The following ALDH1L2 variants were observed in gnomAD, a reference collection of about 807,000 sequenced individuals.
ALDH1L2 encodes the protein aldehyde dehydrogenase 1 family member L2.
ALDH1L2 carries 91 observed loss-of-function variants against 111.0 expected under a neutral mutation model. The observed-to-expected ratio is 0.82, with a 90% CI of 0.69 to 0.98. ALDH1L2 has a LOEUF of 0.98. Among genes scored for constraint, ALDH1L2 ranks in the 50% least tolerant of loss-of-function variants. The pLI is 0.00. For synonymous variants in ALDH1L2, 374 were observed against 392.6 expected, an observed-to-expected ratio of 0.95 and a Z score of 0.56; for missense variants, 995 against 1,126.8, an observed-to-expected ratio of 0.88 and a Z score of 1.67.
At chr12:105,046,623 T>A in intron 15 of ALDH1L2, 87 bp downstream of exon 15, 1 of 1,195,686 alleles carries the variant, frequency 8.4e-7, no homozygotes, top group Non-Finnish European at 1.2e-6. Context: ...CTCATTTTTG[T>A]TTGCTATTTA....
chr12:105,059,928 A>G (rs577791435), intron 9 of ALDH1L2, among the ~76,000 whole-genome samples: 2 of 152,366 alleles, frequency 1.3e-5, no homozygotes, highest in African/African-American at 4.8e-5. Flanking sequence ...GGGACTGCAC[A>G]GTCCCTGGTG....
In ALDH1L2 at chr12:105,072,867, G is replaced by A. The variant is rs539066448; in HGVS notation, c.193+994C>T. ...TGGGTGCCTGTAATCCCAGCTACTC[G>A]GGAGGCTGAGGCAGGAGAATTGCTT... On this transcript the variant is annotated intron_variant, in intron 2 of 22. Transcript: ENST00000258494. Among the ~76,000 whole-genome samples the A allele has an allele frequency of 4.6e-5, 7 of 152,244 alleles. No homozygotes were observed. The East Asian group carries it at 7.7e-4, about 17-fold the overall frequency.
intron 1 of ALDH1L2, among the ~76,000 whole-genome samples, chr12:105,082,119 C>A (rs1438200200): frequency 6.6e-6 from 1 of 152,140 alleles, no homozygotes; most frequent in Non-Finnish European, 1.5e-5. Context: ...GCTTGAACCC[C>A]GGAGGCAGAG....
At chr12:105,026,108 A>G (rs1294753877) in intron 22 of ALDH1L2, among the ~76,000 whole-genome samples, 2 of 152,210 alleles carry the variant, frequency 1.3e-5, no homozygotes, top group Non-Finnish European at 2.9e-5. Flanking sequence ...GGGTTTTTTC[A>G]GTGTTGACTC....
intron 22 of ALDH1L2, 35 bp from the exon 23 acceptor site, chr12:105,024,514 C>G: frequency 3.1e-6 from 5 of 1,598,790 alleles, no homozygotes; most frequent in Non-Finnish European, 2.6e-6. Flanking sequence ...AGACCACATT[C>G]AGAGGCAGAC....
chr12:105,073,867 G>T lies in ALDH1L2; in HGVS notation c.187C>A (p.Pro63Thr). The T allele has an allele frequency of 6.2e-7, 1 of 1,613,950 alleles. No homozygotes were observed. Among genetic ancestry groups the T allele is most frequent in the Non-Finnish European group, 8.5e-7 (1 of 1,179,982 alleles). ...CATCCCAAGATGCACTCACCCAGAG[G>T]GTCAGCTTTTCCATCCTTGTCTGGA... is the stretch of plus-strand genomic sequence containing the variant. ...TVPDKDGKAD[P>T]LALAAEKDGT... Residue 63 changes from proline (P) to threonine (T), a missense_variant, in exon 2 of 23, where the codon CCT becomes ACT. Coordinates refer to ENST00000258494, the MANE Select transcript of ALDH1L2 (RefSeq NM_001034173.4).
Position 105,026,654 on chromosome 12 carries a change from A to G in ALDH1L2, c.2607T>C (p.Tyr869=), listed in dbSNP as rs762914091. The G allele has an allele frequency of 1.6e-5, 26 of 1,614,210 alleles. No individual in the cohort carries two copies. Among genetic ancestry groups the G allele is most frequent in the Non-Finnish European group, 2.0e-5 (24 of 1,180,032 alleles). ...TTCCTGCTTCCAGTTTTTCACTCAC[A>G]TACATAGCTTTGTTTATGTCTCTTG... The part of the protein sequence containing the change: ...VFTRDINKAM[Y]VSEKLEAGTV... Residue 869 remains tyrosine (Y), a synonymous_variant, in exon 22 of 23, where the codon TAT becomes TAC. Transcript: ENST00000258494.
intron 2 of ALDH1L2, chr12:105,072,280 A>C (rs922190318): frequency 4.0e-5 from 6 of 149,626 alleles, no homozygotes; most frequent in Non-Finnish European, 5.9e-5. Flanking sequence ...ATATATGTTA[A>C]TTTTAGGCAA....
intron 18 of ALDH1L2, 127 bp downstream of exon 18, chr12:105,037,976 A>G: frequency 1.5e-6 from 1 of 651,184 alleles, no homozygotes; most frequent in South Asian, 2.0e-5. Context: ...CATGTTGGTC[A>G]GGCTCGTCTT....
At chr12:105,062,569 GCAGA>G (rs1486913470) in intron 7 of ALDH1L2, among the ~76,000 whole-genome samples, 1 of 152,188 alleles carries the variant, frequency 6.6e-6, no homozygotes, top group Non-Finnish European at 1.5e-5. Flanking sequence ...CATTGGGAAG[GCAGA>G]CAGACAAGAT....
intron 1 of ALDH1L2, among the ~76,000 whole-genome samples, chr12:105,079,026 C>T (rs1054931561): frequency 6.6e-6 from 1 of 152,260 alleles, no homozygotes; most frequent in East Asian, 1.9e-4. Context: ...TTCACTGAGC[C>T]GCTTTAAGCA....
intron 5 of ALDH1L2, 106 bp from the exon 6 acceptor site, chr12:105,065,462 A>G: frequency 1.1e-6 from 1 of 913,534 alleles, no homozygotes; most frequent in South Asian, 1.5e-5. Context: ...ATTGGGAAAT[A>G]AAGGAATTTT....
chr12:105,038,527 TATG>T (rs1483446737), intron 17 of ALDH1L2, among the ~76,000 whole-genome samples: 1 of 151,578 alleles, frequency 6.6e-6, no homozygotes, highest in East Asian at 1.9e-4. Context: ...ATTAGGTAGG[TATG>T]GTGGTGTGTG....
At chr12:105,078,672 C>G (rs1440878292) in intron 1 of ALDH1L2, among the ~76,000 whole-genome samples, 3 of 152,136 alleles carry the variant, frequency 2.0e-5, no homozygotes, top group Non-Finnish European at 4.4e-5. Flanking sequence ...AAGAAGCAGT[C>G]CCTGTACTCG....
chr12:105,058,152 G>GT lies in ALDH1L2; in HGVS notation c.1207dup (p.Thr403AsnfsTer4). ...CTTTTGGATAAAGCCTTCAAACTTGGTGGCCATATAGACATCTTCATTCTG... is the reference window on the plus strand; with the variant it reads ...CTTTTGGATAAAGCCTTCAAACTTGGTTGGCCATATAGACATCTTCATTCTG... On this transcript the variant is annotated frameshift_variant, in exon 10 of 23. Coordinates refer to ENST00000258494, the MANE Select transcript of ALDH1L2 (RefSeq NM_001034173.4). LOFTEE classifies it high-confidence loss of function. 1 of 1,613,462 alleles carries GT rather than the reference G, an allele frequency of 6.2e-7. No individual in the cohort carries two copies.
chr12:105,026,462 C>G, intron 22 of ALDH1L2, 83 bp downstream of exon 22: 2 of 1,516,614 alleles, frequency 1.3e-6, no homozygotes, highest in Non-Finnish European at 1.8e-6. Context: ...CCCTCAAAGT[C>G]ACACACAAGT....
rs1314643406 is a variant in ALDH1L2 at position 105,046,966 on chromosome 12, A to G, written c.1690T>C (p.Ser564Pro). The G allele has an allele frequency of 1.2e-6, 2 of 1,613,974 alleles. No individual in the cohort carries two copies. The highest frequency in any genetic ancestry group is 1.1e-5 in the South Asian group (1 of 91,080). ...CGGGCCTGGTTGATTGGAATAGTAG[A>G]ACCCTAAAGAATGAGAAAAGTTGAT... ...FAGWCDKIQG[S>P]TIPINQARPN... is the part of the protein sequence containing the mutation. The change falls in exon 14 of 23, where the codon TCT (serine) becomes CCT (proline). Residue 564 changes from serine to proline, a missense_variant. Coordinates refer to ENST00000258494, the MANE Select transcript of ALDH1L2 (RefSeq NM_001034173.4).
Position 105,066,635 on chromosome 12 carries a change from G to C in ALDH1L2, c.629C>G (p.Ala210Gly). ...TTCTTCTGGCTGGGGTATACGAGGAGCTTTTCCATCAGCTATGAGTTGGAC... is the reference window on the plus strand; with the variant it reads ...TTCTTCTGGCTGGGGTATACGAGGACCTTTTCCATCAGCTATGAGTTGGAC... ...EAVQLIADGK[A>G]PRIPQPEEGA... The change falls in exon 5 of 23, where the codon GCT becomes GGT. Residue 210 changes from alanine (A) to glycine (G), a missense_variant. Physicochemically the swap from Ala to Gly is moderately conservative, Grantham distance 60. Coordinates refer to ENST00000258494, the MANE Select transcript of ALDH1L2 (RefSeq NM_001034173.4). The C allele has an allele frequency of 6.2e-7, 1 of 1,614,136 alleles. No individual in the cohort carries two copies. The highest frequency in any genetic ancestry group is 2.2e-5 in the East Asian group (1 of 44,886).
intron 1 of ALDH1L2, among the ~76,000 whole-genome samples, chr12:105,079,623 C>T (rs1226816251): frequency 1.3e-5 from 2 of 152,104 alleles, no homozygotes; most frequent in Non-Finnish European, 2.9e-5. Flanking sequence ...GACTCCAGTA[C>T]TAGAGAGGCA....
Sources: gnomAD v4.1 joint callset for allele counts (sites outside exome capture counted in the v4.1 genomes callset) on GRCh38, gnomAD v4.1.1 for gene constraint, MANE v1.5 for transcripts, NCBI Gene and HGNC (gene_info 2026-07-23, HGNC 2026-07-21) for gene names.